Variants in PTPRD observed in about 807,000 individuals in gnomAD.
PTPRD encodes the protein protein tyrosine phosphatase receptor type D.
Under a neutral mutation model 214.5 loss-of-function variants are expected in PTPRD, and 34 were observed. The observed-to-expected ratio is 0.16, with a 90% confidence interval of 0.12 to 0.21. The LOEUF (loss-of-function observed/expected upper bound fraction) is 0.21, where lower values mean the gene tolerates loss of function less well. PTPRD is among the 10% of genes least tolerant of loss of function. PTPRD has a pLI of 1.00. For synonymous variants in PTPRD, 1,128 were observed against 845.7 expected (o/e 1.33, Z -5.79); for missense variants, 2,545 against 2,398.7 (o/e 1.06, Z -1.27).
At chr9:8,834,433 T>G (rs1414712185) in intron 11 of PTPRD, among the ~76,000 whole-genome samples, 1 of 124,750 alleles carries the variant, frequency 8.0e-6, no homozygotes, top group Non-Finnish European at 1.7e-5. Flanking sequence ...TATAACCTGT[T>G]TTTGTTTATT....
rs1328657125 is a variant in PTPRD, at chr9:8,873,987, C to G, written c.-103-140041G>C. On this transcript the variant is annotated intron_variant, in intron 11 of 45. Coordinates refer to ENST00000381196, the MANE Select transcript of PTPRD (RefSeq NM_002839.4). The stretch of plus-strand genomic sequence containing the variant: ...AGTCTCTATCATACTGGACAGAACA[C>G]TTGTGTCCTTCCAGACTTTGAGGGG... 2.0e-5 allele frequency among the ~76,000 whole-genome samples: 3 copies of G among 152,278 alleles called. No individual in the cohort carries two copies. In the South Asian group the frequency reaches 6.2e-4, roughly 32 times the overall value.
chr9:8,947,462 CAAAAAA>C (rs138279192), intron 11 of PTPRD, among the ~76,000 whole-genome samples: 1 of 93,032 alleles, frequency 1.1e-5, no homozygotes, highest in East Asian at 3.8e-4. Context: ...GACTCTGTCT[CAAAAAA>C]AAAAAAAAAA....
At chr9:10,447,309 ACT>A (rs1285719344) in intron 2 of PTPRD, among the ~76,000 whole-genome samples, 2 of 151,844 alleles carry the variant, frequency 1.3e-5, no homozygotes, top group African/African-American at 4.8e-5. Context: ...TAATGAGAAG[ACT>A]CTATTTTAGG....
At chr9:8,949,758 T>C (rs1031848434) in intron 11 of PTPRD, among the ~76,000 whole-genome samples, 1 of 152,186 alleles carries the variant, frequency 6.6e-6, no homozygotes, top group African/African-American at 2.4e-5. Context: ...CACAACAAAA[T>C]TGAAACATTG....
Position 9,950,722 on chromosome 9 carries a change from CAAAAAAAAAAAAAAAAAAAAAAAAAAA to C in PTPRD, c.-471-12139_-471-12113del, listed in dbSNP as rs922771507. Among the ~76,000 whole-genome samples the C allele has an allele frequency of 1.5e-3, 4 of 2,664 alleles. 1 individual carries two copies. Among genetic ancestry groups the C allele is most frequent in the Admixed American group, 0.014 (1 of 74 alleles). 1.7% of individuals were successfully genotyped at this position (2,664 alleles called of 152,430 possible). ...CCTGGGCGACAGCGAGACTCCGTCT[CAAAAAAAAAAAAAAAAAAAAAAAAAAA>C]AAAAAAAAAAAGAAGAAAGTGGAAG... On this transcript the variant is annotated intron_variant, in intron 4 of 45. Transcript: ENST00000381196.
intron 14 of PTPRD, among the ~76,000 whole-genome samples, chr9:8,570,755 T>A (rs1267048366): frequency 6.6e-6 from 1 of 152,098 alleles, no homozygotes; most frequent in Non-Finnish European, 1.5e-5. Flanking sequence ...TGTTTTAAGC[T>A]GTATCATTCA....
At chr9:10,130,646 T>G (rs2098860448) in intron 3 of PTPRD, among the ~76,000 whole-genome samples, 1 of 152,058 alleles carries the variant, frequency 6.6e-6, no homozygotes, top group Admixed American at 6.6e-5. Context: ...AGAAAGTATT[T>G]AGCGATTATA....
intron 11 of PTPRD, among the ~76,000 whole-genome samples, chr9:8,975,975 T>C (rs1044810827): frequency 4.6e-5 from 7 of 152,030 alleles, no homozygotes; most frequent in African/African-American, 1.7e-4. Context: ...CCCTCATAGT[T>C]GTACATTTAA....
chr9:8,521,794 T>G (rs2097896443), intron 19 of PTPRD, among the ~76,000 whole-genome samples: 2 of 152,122 alleles, frequency 1.3e-5, no homozygotes, highest in Admixed American at 1.3e-4. Flanking sequence ...GATTCAGACC[T>G]ACAAGGGCCC....
intron 9 of PTPRD, among the ~76,000 whole-genome samples, chr9:9,185,632 G>T (rs2099930893): frequency 6.6e-6 from 1 of 152,066 alleles, no homozygotes; most frequent in African/African-American, 2.4e-5. Context: ...TGCTAGACAT[G>T]CAACTGCCTT....
At chr9:8,892,623 ATATATATGTGTG>A (rs2098550394) in intron 11 of PTPRD, among the ~76,000 whole-genome samples, 1 of 144,538 alleles carries the variant, frequency 6.9e-6, no homozygotes, top group Admixed American at 6.9e-5. Context: ...ATATATGTGT[ATATATATGTGTG>A]TATATATATG....
At chr9:9,776,577 G>T (rs2098800223) in intron 5 of PTPRD, among the ~76,000 whole-genome samples, 2 of 151,952 alleles carry the variant, frequency 1.3e-5, no homozygotes, top group Non-Finnish European at 2.9e-5. Flanking sequence ...TTTATTATTT[G>T]TTGCTCTTTT....
chr9:10,394,053 ATAT>A (rs1487377337), intron 2 of PTPRD, among the ~76,000 whole-genome samples: 1 of 145,666 alleles, frequency 6.9e-6, no homozygotes, highest in African/African-American at 2.5e-5. Context: ...CCATATATAC[ATAT>A]TATATATATA....
chr9:9,676,559 T>C lies in PTPRD; in HGVS notation c.-287+57974A>G, dbSNP rs555055760. On this transcript the variant is annotated intron_variant, in intron 7 of 45. Transcript: ENST00000381196. The stretch of plus-strand genomic sequence containing the variant: ...CATTTGGCTTGGTTCCAAGTCTTTG[T>C]TATTGTGAATAGTGCTGCAATAAAC... 2.6e-3 allele frequency among the ~76,000 whole-genome samples: 398 copies of C among 152,162 alleles called. 2 individuals are homozygous for C. The highest frequency in any genetic ancestry group is 8.9e-3 in the African/African-American group (370 of 41,522).
At chr9:9,602,399 C>T (rs957230048) in intron 7 of PTPRD, among the ~76,000 whole-genome samples, 2 of 151,878 alleles carry the variant, frequency 1.3e-5, no homozygotes, top group African/African-American at 2.4e-5. Context: ...TCATTTAAAA[C>T]AACATTTTCT....
chr9:8,460,595 C>A (rs1213326001), intron 32 of PTPRD, 24 bp from the exon 33 acceptor site: 2 of 1,598,384 alleles, frequency 1.3e-6, no homozygotes, highest in Non-Finnish European at 8.5e-7. Context: ...GAGTCTATTT[C>A]AGTTATAAAA....
chr9:9,008,266 T>C (rs964663558), intron 11 of PTPRD, among the ~76,000 whole-genome samples: 3 of 136,298 alleles, frequency 2.2e-5, no homozygotes, highest in African/African-American at 8.1e-5. Flanking sequence ...TCTCACTCTG[T>C]TGCCCAGGCT....
intron 3 of PTPRD, among the ~76,000 whole-genome samples, chr9:10,113,243 G>A (rs72694889): frequency 0.052 from 7,988 of 152,170 alleles, 276 homozygotes; most frequent in Admixed American, 0.1. Flanking sequence ...AAATTTATTT[G>A]TTCTTCACAA....
chr9:9,927,694 T>A (rs1447339984), intron 5 of PTPRD, among the ~76,000 whole-genome samples: 1 of 150,690 alleles, frequency 6.6e-6, no homozygotes, highest in Non-Finnish European at 1.5e-5. Context: ...ATTATTAATA[T>A]CTATCTATTT....
Sources: allele counts gnomAD v4.1 joint callset (sites outside exome capture counted in the v4.1 genomes callset), GRCh38; gene constraint gnomAD v4.1.1; transcripts MANE v1.5; gene names NCBI Gene and HGNC (gene_info 2026-07-23, HGNC 2026-07-21).